XKR6: variants seen among roughly 807,000 people sequenced by gnomAD.
XKR6 encodes XK related 6.
Under a neutral mutation model 56.7 loss-of-function variants are expected in XKR6, and 22 were observed. The observed-to-expected ratio is 0.39, with a 90% confidence interval of 0.28 to 0.55. The LOEUF (loss-of-function observed/expected upper bound fraction) is 0.55, where lower values mean the gene tolerates loss of function less well. Among genes scored for constraint, XKR6 ranks in the 20% least tolerant of loss-of-function variants. The probability of loss-of-function intolerance (pLI) is 0.66; values close to 1 mark genes in which losing one functional copy is unlikely to be tolerated. For synonymous variants in XKR6, 524 were observed against 387.8 expected (o/e 1.35, Z -4.13); for missense variants, 852 against 889.0 (o/e 0.96, Z 0.53).
At chr8:11,113,123 T>G (rs922266177) in intron 1 of XKR6, among the ~76,000 whole-genome samples, 1 of 152,202 alleles carries the variant, frequency 6.6e-6, no homozygotes, top group Non-Finnish European at 1.5e-5. Context: ...ACTGCACAAT[T>G]TAGGCTAAAC....
intron 1 of XKR6, among the ~76,000 whole-genome samples, chr8:10,945,572 A>G (rs1033096630): frequency 1.3e-5 from 2 of 152,114 alleles, no homozygotes; most frequent in Non-Finnish European, 2.9e-5. Context: ...TTCCCCATCT[A>G]AGCTCCCAGA....
chr8:11,104,004 T>C (rs1798582510), intron 1 of XKR6, among the ~76,000 whole-genome samples: 1 of 152,150 alleles, frequency 6.6e-6, no homozygotes, highest in Non-Finnish European at 1.5e-5. Context: ...GTCCAAAATA[T>C]CCCTCGTACC....
At chr8:11,112,775 G>A (rs922510064) in intron 1 of XKR6, among the ~76,000 whole-genome samples, 3 of 152,152 alleles carry the variant, frequency 2.0e-5, no homozygotes, top group Admixed American at 6.5e-5. Context: ...ACCTAATGGG[G>A]CCCAGATTTC....
intron 1 of XKR6, among the ~76,000 whole-genome samples, chr8:11,152,283 G>C (rs1215154779): frequency 2.0e-5 from 3 of 152,188 alleles, no homozygotes; most frequent in African/African-American, 7.2e-5. Flanking sequence ...CTTCTCTACA[G>C]TTGCCCTTCC....
chr8:11,044,640 T>C (rs1799363381), intron 1 of XKR6, among the ~76,000 whole-genome samples: 1 of 151,956 alleles, frequency 6.6e-6, no homozygotes, highest in Admixed American at 6.6e-5. Flanking sequence ...TTCTGATTTT[T>C]TTTTTTTTTG....
chr8:10,977,524 T>C lies in XKR6; in HGVS notation c.765-52694A>G, dbSNP rs896367073. On this transcript the variant is annotated intron_variant, in intron 1 of 2. Coordinates refer to ENST00000416569, the MANE Select transcript of XKR6 (RefSeq NM_173683.4). ...ACAACCCTGGATGCAACCCAAAATATGTAACAACAGAACTATCCAAGCCCC... is the reference window on the plus strand; with the variant it reads ...ACAACCCTGGATGCAACCCAAAATACGTAACAACAGAACTATCCAAGCCCC... Among the ~76,000 whole-genome samples the C allele has an allele frequency of 2.8e-4, 42 of 150,962 alleles. 1 individual carries two copies. The highest frequency in any genetic ancestry group is 2.4e-5 in the African/African-American group (1 of 41,016).
chr8:11,026,765 G>T (rs1360121190), intron 1 of XKR6, among the ~76,000 whole-genome samples: 1 of 151,330 alleles, frequency 6.6e-6, no homozygotes, highest in Non-Finnish European at 1.5e-5. Context: ...TACACATCTA[G>T]ATAGCCTAAC....
intron 1 of XKR6, among the ~76,000 whole-genome samples, chr8:11,045,195 C>T (rs1799380569): frequency 2.0e-5 from 3 of 147,634 alleles, no homozygotes; most frequent in African/African-American, 7.6e-5. Context: ...AAGTGATTCT[C>T]CTGCCTCAGC....
At chr8:10,985,248 G>A (rs1412110896) in intron 1 of XKR6, among the ~76,000 whole-genome samples, 2 of 152,106 alleles carry the variant, frequency 1.3e-5, no homozygotes, top group African/African-American at 4.8e-5. Context: ...CATGGGGGCA[G>A]GTCTTTCCTG....
intron 1 of XKR6, among the ~76,000 whole-genome samples, chr8:11,033,750 G>A (rs991553050): frequency 6.6e-6 from 1 of 152,072 alleles, no homozygotes; most frequent in African/African-American, 2.4e-5. Context: ...AAAGCCTCTG[G>A]GTGTGTGTGA....
intron 1 of XKR6, among the ~76,000 whole-genome samples, chr8:10,943,599 C>A (rs1801449871): frequency 6.6e-6 from 1 of 152,186 alleles, no homozygotes; most frequent in African/African-American, 2.4e-5. Context: ...CCACCCCTCG[C>A]TCGTCCTCCC....
At chr8:11,012,263 G>A (rs1425852058) in intron 1 of XKR6, among the ~76,000 whole-genome samples, 1 of 152,170 alleles carries the variant, frequency 6.6e-6, no homozygotes, top group African/African-American at 2.4e-5. Flanking sequence ...AAGCCCCTTT[G>A]GGACCTCAGC....
chr8:11,167,660 G>C (rs992393008), intron 1 of XKR6, among the ~76,000 whole-genome samples: 3 of 152,134 alleles, frequency 2.0e-5, no homozygotes, highest in African/African-American at 7.2e-5. Flanking sequence ...TAAAACCCAG[G>C]AAGACCTTAA....
intron 1 of XKR6, among the ~76,000 whole-genome samples, chr8:11,114,531 T>C (rs181420727): frequency 1.8e-4 from 27 of 152,254 alleles, no homozygotes; most frequent in South Asian, 1.0e-3. Context: ...CTGCTAATTC[T>C]TGTATTTTTA....
At chr8:10,995,646 C>T (rs535804593) in intron 1 of XKR6, among the ~76,000 whole-genome samples, 34 of 150,120 alleles carry the variant, frequency 2.3e-4, no homozygotes, top group Admixed American at 6.0e-4. Flanking sequence ...TGTGATCATG[C>T]CACTGCACTC....
chr8:11,095,326 G>A (rs1261459765), intron 1 of XKR6, among the ~76,000 whole-genome samples: 3 of 152,136 alleles, frequency 2.0e-5, no homozygotes, highest in Admixed American at 6.5e-5. Flanking sequence ...ATGAATGTAA[G>A]GTATTCTTAA....
chr8:11,103,542 C>A (rs1360229868), intron 1 of XKR6, among the ~76,000 whole-genome samples: 1 of 152,142 alleles, frequency 6.6e-6, no homozygotes, highest in East Asian at 1.9e-4. Context: ...TTTAAAATGG[C>A]ATGCTAATCC....
At chr8:10,948,403 T>G (rs1021402999) in intron 1 of XKR6, among the ~76,000 whole-genome samples, 1 of 152,196 alleles carries the variant, frequency 6.6e-6, no homozygotes, top group Non-Finnish European at 1.5e-5. Flanking sequence ...CTCTGCCAGC[T>G]GAGAAGGCTG....
At chr8:11,047,694 G>C (rs1401311622) in intron 1 of XKR6, among the ~76,000 whole-genome samples, 1 of 152,212 alleles carries the variant, frequency 6.6e-6, no homozygotes, top group Non-Finnish European at 1.5e-5. Context: ...TCTGGCGATG[G>C]ATAGTGGTGA....
Sources: gnomAD v4.1 joint callset for allele counts (sites outside exome capture counted in the v4.1 genomes callset) on GRCh38, gnomAD v4.1.1 for gene constraint, MANE v1.5 for transcripts, NCBI Gene and HGNC (gene_info 2026-07-23, HGNC 2026-07-21) for gene names.